The following ITGA8 variants were observed in gnomAD, a reference collection of about 807,000 sequenced individuals.
ITGA8 encodes the protein integrin subunit alpha 8.
Under a neutral mutation model 142.3 loss-of-function variants are expected in ITGA8, and 91 were observed. That is an observed-to-expected ratio of 0.64 (90% CI 0.54 to 0.76). The LOEUF (loss-of-function observed/expected upper bound fraction) is 0.76, where lower values mean the gene tolerates loss of function less well. ITGA8 is among the 30% of genes least tolerant of loss of function. ITGA8 has a pLI of 0.00. For missense variants in ITGA8, 1,406 were observed against 1,327.7 expected (o/e 1.06, Z -0.92); for synonymous variants, 505 against 485.2 (o/e 1.04, Z -0.54).
chr10:15,663,036 G>A (rs957653025), intron 8 of ITGA8, among the ~76,000 whole-genome samples: 3 of 152,148 alleles, frequency 2.0e-5, no homozygotes, highest in African/African-American at 7.2e-5. Flanking sequence ...TAATTTTTAG[G>A]GGTTCCGATC....
rs143541404 is a variant in ITGA8 at position 15,707,021 on chromosome 10, G to T, written c.343+11745C>A. ...TACAACCTAGAACATGTCTCCCTTG[G>T]ATACCACCTGGCTCCTTTCCTCACT... is the stretch of plus-strand genomic sequence containing the variant. On this transcript the variant is annotated intron_variant, in intron 2 of 29. Coordinates refer to ENST00000378076, the MANE Select transcript of ITGA8 (RefSeq NM_003638.3). Among the ~76,000 whole-genome samples, 166 of 152,228 alleles carry T rather than the reference G, an allele frequency of 1.1e-3. 1 individual carries two copies. The highest frequency in any genetic ancestry group is 1.9e-3 in the Non-Finnish European group (132 of 68,012).
At chr10:15,586,012 G>A (rs1471479310) in intron 23 of ITGA8, among the ~76,000 whole-genome samples, 1 of 139,526 alleles carries the variant, frequency 7.2e-6, no homozygotes, top group Non-Finnish European at 1.6e-5. Context: ...GGTTTTTATA[G>A]TTTGATTACT....
intron 13 of ITGA8, 26 bp from the exon 14 acceptor site, chr10:15,616,585 C>G: frequency 6.2e-7 from 1 of 1,601,094 alleles, no homozygotes; most frequent in South Asian, 1.1e-5. Context: ...ACACAGAACA[C>G]ATGCGTGAAT....
intron 28 of ITGA8, among the ~76,000 whole-genome samples, chr10:15,521,178 C>G (rs1833061230): frequency 1.3e-5 from 2 of 148,334 alleles, no homozygotes; most frequent in Admixed American, 6.6e-5. Context: ...GCCACCACAC[C>G]CAGCTATTTT....
intron 7 of ITGA8, 125 bp downstream of exon 7, chr10:15,672,499 T>A: frequency 1.7e-6 from 2 of 1,189,350 alleles, no homozygotes; most frequent in Non-Finnish European, 2.4e-6. Context: ...TTGAGTCCAC[T>A]CTAATAAGAG....
intron 19 of ITGA8, among the ~76,000 whole-genome samples, chr10:15,604,768 TA>T (rs1473629705): frequency 1.3e-5 from 2 of 151,878 alleles, no homozygotes; most frequent in Non-Finnish European, 2.9e-5. Context: ...AAACATACAT[TA>T]GGAAGAAAAT....
chr10:15,689,344 C>T (rs987117415), intron 2 of ITGA8, among the ~76,000 whole-genome samples: 3 of 152,156 alleles, frequency 2.0e-5, no homozygotes, highest in African/African-American at 7.2e-5. Flanking sequence ...AAGGGAGTGG[C>T]AAAAACCCTG....
chr10:15,585,229 G>C (rs1279763946), intron 23 of ITGA8, among the ~76,000 whole-genome samples: 3 of 152,172 alleles, frequency 2.0e-5, no homozygotes, highest in Non-Finnish European at 4.4e-5. Context: ...AGGCAGGATA[G>C]CATGATCATT....
intron 22 of ITGA8, among the ~76,000 whole-genome samples, chr10:15,588,341 G>T (rs1338529106): frequency 6.6e-6 from 1 of 152,112 alleles, no homozygotes; most frequent in Non-Finnish European, 1.5e-5. Context: ...TCATTTCCTG[G>T]AATGGAGCAT....
intron 4 of ITGA8, among the ~76,000 whole-genome samples, chr10:15,683,077 T>C (rs943634554): frequency 6.6e-6 from 1 of 151,444 alleles, no homozygotes; most frequent in Non-Finnish European, 1.5e-5. Context: ...GATTTAGTGT[T>C]TTTTCTTTAA....
chr10:15,606,529 T>C (rs1833200543), intron 17 of ITGA8, 107 bp from the exon 18 acceptor site: 4 of 1,093,076 alleles, frequency 3.7e-6, no homozygotes, highest in Admixed American at 4.2e-5. Flanking sequence ...AAGTGAATGA[T>C]GAAACAATTA....
intron 27 of ITGA8, among the ~76,000 whole-genome samples, chr10:15,547,014 T>A (rs1215328389): frequency 6.6e-6 from 1 of 152,044 alleles, no homozygotes; most frequent in Non-Finnish European, 1.5e-5. Flanking sequence ...AACATAAAAA[T>A]CTAGGGATAA....
Position 15,655,370 on chromosome 10 carries a change from C to T in ITGA8, c.985G>A (p.Asp329Asn). 5 of 1,606,226 alleles carry T rather than the reference C, an allele frequency of 3.1e-6. No individual in the cohort carries two copies. The highest frequency in any genetic ancestry group is 4.3e-6 in the Non-Finnish European group (5 of 1,173,106). The part of the protein sequence containing the change: ...SYFGYTVVVS[D>N]VNSDGLDDVL... Reference sequence around the variant, plus strand: ...TAAACTTACCCATCACTGTTAACATCTGATACGACAACGGTATATCCAAAA... The same window carrying T: ...TAAACTTACCCATCACTGTTAACATTTGATACGACAACGGTATATCCAAAA... The change falls in exon 11 of 30, where the codon GAT becomes AAT. Residue 329 changes from aspartate (D) to asparagine (N), a missense_variant. Asp to Asn is a conservative substitution (Grantham distance 23). Coordinates refer to ENST00000378076, the MANE Select transcript of ITGA8 (RefSeq NM_003638.3).
At chr10:15,521,811 C>T (rs1408841389) in intron 28 of ITGA8, among the ~76,000 whole-genome samples, 1 of 152,218 alleles carries the variant, frequency 6.6e-6, no homozygotes, top group African/African-American at 2.4e-5. Flanking sequence ...GGTTGCAATT[C>T]TACCTGGATG....
chr10:15,664,287 T>C (rs1203253972), intron 8 of ITGA8, among the ~76,000 whole-genome samples: 1 of 152,192 alleles, frequency 6.6e-6, no homozygotes, highest in African/African-American at 2.4e-5. Flanking sequence ...TACAATATAC[T>C]GCCTTTTAAT....
At chr10:15,521,088 G>C (rs1833058616) in intron 28 of ITGA8, among the ~76,000 whole-genome samples, 1 of 152,170 alleles carries the variant, frequency 6.6e-6, no homozygotes, top group Admixed American at 6.5e-5. Context: ...GCACGATCTT[G>C]GCTCACTGCA....
chr10:15,680,879 T>C (rs992922003), intron 4 of ITGA8, among the ~76,000 whole-genome samples: 2 of 152,104 alleles, frequency 1.3e-5, no homozygotes, highest in Admixed American at 6.6e-5. Flanking sequence ...GCAAAGTCTT[T>C]TTTTTTTTCC....
intron 8 of ITGA8, among the ~76,000 whole-genome samples, chr10:15,664,964 C>A (rs778357828): frequency 6.6e-6 from 1 of 152,042 alleles, no homozygotes; most frequent in Non-Finnish European, 1.5e-5. Context: ...TGAATAGAGC[C>A]GCAATAAACA....
At chr10:15,703,032 C>T (rs1379423832) in intron 2 of ITGA8, among the ~76,000 whole-genome samples, 1 of 152,188 alleles carries the variant, frequency 6.6e-6, no homozygotes, top group South Asian at 2.1e-4. Flanking sequence ...AATCATGAAA[C>T]TTCCCTTTTA....
Sources: allele counts gnomAD v4.1 joint callset (sites outside exome capture counted in the v4.1 genomes callset), GRCh38; gene constraint gnomAD v4.1.1; transcripts MANE v1.5; gene names NCBI Gene and HGNC (gene_info 2026-07-23, HGNC 2026-07-21).